The following ARMC8 variants were observed in gnomAD, a reference collection of about 807,000 sequenced individuals.
The protein encoded by ARMC8 is armadillo repeat containing 8, also known as armadillo repeat-containing protein 8.
ARMC8 carries 20 observed loss-of-function variants against 99.3 expected under a neutral mutation model. The observed-to-expected ratio is 0.20, with a 90% CI of 0.14 to 0.29. The LOEUF is 0.29. Among genes scored for constraint, ARMC8 ranks in the 10% least tolerant of loss-of-function variants. The probability of loss-of-function intolerance (pLI) is 1.00; values close to 1 mark genes in which losing one functional copy is unlikely to be tolerated. For missense variants in ARMC8, 569 were observed against 809.5 expected (o/e 0.70, Z 3.60); for synonymous variants, 263 against 278.3 (o/e 0.95, Z 0.55).
chr3:138,273,972 A>G lies in ARMC8; in HGVS notation c.1630-477A>G, dbSNP rs141578586. On this transcript the variant is annotated intron_variant, in intron 17 of 21. Transcript: ENST00000469044. ...GCTGGGATTACAGGCGTGTACCACCATGCCCAGCTAATTTTTTGTATTTGT... is the reference window on the plus strand; with the variant it reads ...GCTGGGATTACAGGCGTGTACCACCGTGCCCAGCTAATTTTTTGTATTTGT... Among the ~76,000 whole-genome samples the G allele has an allele frequency of 9.2e-3, 1,396 of 152,062 alleles. 16 individuals are homozygous for G. Among genetic ancestry groups the G allele is most frequent in the African/African-American group, 0.032 (1,310 of 41,484 alleles).
At chr3:138,209,447 C>G (rs1006316918) in intron 1 of ARMC8, among the ~76,000 whole-genome samples, 4 of 152,016 alleles carry the variant, frequency 2.6e-5, no homozygotes, top group Non-Finnish European at 4.4e-5. Flanking sequence ...CCTGATGATT[C>G]TTCTGAATGA....
intron 15 of ARMC8, among the ~76,000 whole-genome samples, chr3:138,269,820 C>CT (rs77095833): frequency 0.55 from 66,647 of 121,606 alleles, 17,930 homozygotes; most frequent in East Asian, 0.84. Context: ...TGTTTTCTTT[C>CT]TTTTTTTTTT....
At chr3:138,282,329 C>T (rs567012081) in intron 18 of ARMC8, among the ~76,000 whole-genome samples, 2 of 152,150 alleles carry the variant, frequency 1.3e-5, no homozygotes, top group African/African-American at 4.8e-5. Context: ...CATGTCAAGA[C>T]AAGTGATGGA....
chr3:138,192,681 G>GCTGGGA (rs2043462176), intron 1 of ARMC8, among the ~76,000 whole-genome samples: 1 of 152,074 alleles, frequency 6.6e-6, no homozygotes. Context: ...CTTCCAAGTA[G>GCTGGGA]CTGGGACTAC....
At chr3:138,224,909 A>C (rs905381301) in intron 5 of ARMC8, among the ~76,000 whole-genome samples, 1 of 152,152 alleles carries the variant, frequency 6.6e-6, no homozygotes, top group Non-Finnish European at 1.5e-5. Flanking sequence ...ACCCATTTTT[A>C]TCTCTCTATA....
rs1204215731 is a variant in ARMC8 at position 138,239,672 on chromosome 3, T to A, written c.837+144T>A. On this transcript the variant is annotated intron_variant, in intron 10 of 21. Transcript: ENST00000469044. ...AATAATATTGAAAGACCATGCTTTC[T>A]TTTCAGTGGATGTCATATAGTTTTT... The A allele has an allele frequency of 1.5e-5, 7 of 480,958 alleles. No homozygotes were observed. The East Asian group carries it at 2.2e-4, about 15-fold the overall frequency. The allele number at this position is 480,958 out of a possible 1,614,324, so 29.8% of individuals were successfully genotyped here. A position where few individuals can be genotyped will look rare whatever the true frequency, so the allele number is the denominator to read the frequency against.
In ARMC8 at chr3:138,289,933, C is replaced by T. The variant is rs890804469; in HGVS notation, c.1895-613C>T. On this transcript the variant is annotated intron_variant, in intron 20 of 21. Transcript: ENST00000469044. ...CCAGGGGATTACTCAGCAGCAGCGC[C>T]CAAAACAAAGTGCAAGAAGGGAAAC... 4.2e-4 allele frequency among the ~76,000 whole-genome samples: 64 copies of T among 152,194 alleles called. 1 individual carries two copies. The highest frequency in any genetic ancestry group is 6.8e-4 in the Non-Finnish European group (46 of 68,014).
At chr3:138,247,014 C>T in intron 12 of ARMC8, 1 of 315,692 alleles carries the variant, frequency 3.2e-6, no homozygotes. Context: ...ATAGTAACTA[C>T]TGAAGAGATA....
intron 12 of ARMC8, chr3:138,245,910 C>G (rs1336745579): frequency 3.0e-6 from 3 of 985,304 alleles, no homozygotes; most frequent in South Asian, 4.7e-5. Flanking sequence ...CTAATAAATT[C>G]TACACAAGGC....
intron 20 of ARMC8, among the ~76,000 whole-genome samples, chr3:138,290,070 T>A (rs1295666582): frequency 2.6e-5 from 4 of 151,978 alleles, no homozygotes; most frequent in Admixed American, 6.6e-5. Flanking sequence ...TGATATGAAA[T>A]TGGAAGTGCC....
chr3:138,200,055 A>G (rs962544045), intron 1 of ARMC8, among the ~76,000 whole-genome samples: 3 of 152,198 alleles, frequency 2.0e-5, no homozygotes, highest in Admixed American at 6.5e-5. Context: ...CTCTGCTTAT[A>G]ATAGATATTT....
intron 6 of ARMC8, among the ~76,000 whole-genome samples, chr3:138,233,648 A>G (rs2046177874): frequency 6.6e-6 from 1 of 152,238 alleles, no homozygotes; most frequent in South Asian, 2.1e-4. Context: ...TGGTCGTGCT[A>G]TTCAGAAGTA....
intron 14 of ARMC8, among the ~76,000 whole-genome samples, chr3:138,265,848 A>G (rs1220434522): frequency 6.6e-6 from 1 of 152,164 alleles, no homozygotes; most frequent in Non-Finnish European, 1.5e-5. Context: ...AGGTTCATCT[A>G]GTGACAGAGT....
intron 1 of ARMC8, among the ~76,000 whole-genome samples, chr3:138,208,023 G>A (rs1218310043): frequency 6.6e-6 from 1 of 151,886 alleles, no homozygotes; most frequent in Non-Finnish European, 1.5e-5. Flanking sequence ...TTACTTGGGA[G>A]GCTGAGATGA....
intron 6 of ARMC8, among the ~76,000 whole-genome samples, chr3:138,234,275 C>T (rs2046216966): frequency 6.6e-6 from 1 of 152,084 alleles, no homozygotes; most frequent in Non-Finnish European, 1.5e-5. Context: ...CCAAACCTAG[C>T]TAATTTTTGT....
chr3:138,210,808 C>T (rs564555805), intron 2 of ARMC8, among the ~76,000 whole-genome samples: 1 of 152,094 alleles, frequency 6.6e-6, no homozygotes, highest in East Asian at 1.9e-4. Context: ...CTTAAAGCCT[C>T]TCTCCCCAAA....
chr3:138,240,720 A>G (rs76960349), intron 10 of ARMC8, among the ~76,000 whole-genome samples: 6,401 of 152,346 alleles, frequency 0.042, 445 homozygotes, highest in African/African-American at 0.14. Flanking sequence ...CTTATTATAT[A>G]TAAAAGAGCA....
At chr3:138,203,435 T>C (rs1192840731) in intron 1 of ARMC8, among the ~76,000 whole-genome samples, 1 of 152,202 alleles carries the variant, frequency 6.6e-6, no homozygotes, top group African/African-American at 2.4e-5. Flanking sequence ...CACAGTGTCA[T>C]CTGAAGGCTC....
chr3:138,241,672 A>G, intron 10 of ARMC8, 111 bp from the exon 11 acceptor site: 1 of 929,574 alleles, frequency 1.1e-6, no homozygotes, highest in Non-Finnish European at 1.6e-6. Context: ...TAAAGGAAAT[A>G]TATGATCATA....
Sources: gnomAD v4.1 joint callset for allele counts (sites outside exome capture counted in the v4.1 genomes callset) on GRCh38, gnomAD v4.1.1 for gene constraint, MANE v1.5 for transcripts, NCBI Gene and HGNC (gene_info 2026-07-23, HGNC 2026-07-21) for gene names.